Variants in RDH10 observed in about 807,000 individuals in gnomAD.
RDH10 encodes the protein retinol dehydrogenase 10 (all-trans).
Under a neutral mutation model 30.2 loss-of-function variants are expected in RDH10, and 12 were observed. The ratio of observed to expected loss-of-function variants is 0.40; its 90% CI spans 0.25 to 0.64. RDH10 has a LOEUF of 0.64. Among genes scored for constraint, RDH10 ranks in the 30% least tolerant of loss-of-function variants. RDH10 has a pLI of 0.43. For missense variants in RDH10, 268 were observed against 445.2 expected (o/e 0.60, Z 3.58); for synonymous variants, 189 against 172.2 (o/e 1.10, Z -0.76).
intron 2 of RDH10, among the ~76,000 whole-genome samples, chr8:73,306,763 A>T (rs12545126): frequency 0.025 from 3,776 of 152,344 alleles, 84 homozygotes; most frequent in East Asian, 0.11. Flanking sequence ...TGTTTCTTAC[A>T]TGCTGCTTGC....
chr8:73,320,323 G>A (rs1288279184), intron 3 of RDH10, among the ~76,000 whole-genome samples: 1 of 152,038 alleles, frequency 6.6e-6, no homozygotes, highest in Admixed American at 6.5e-5. Context: ...ATCCTTTATG[G>A]TAACTTCCCC....
Position 73,294,947 on chromosome 8 carries a change from T to A in RDH10, c.-343T>A. The A allele has an allele frequency of 7.6e-6, 3 of 392,988 alleles. No homozygotes were observed. The highest frequency in any genetic ancestry group is 1.3e-5 in the Non-Finnish European group (3 of 222,404). The allele number at this position is 392,988 out of a possible 1,614,324, so 24.3% of individuals were successfully genotyped here. On this transcript the variant is annotated 5_prime_UTR_variant, in exon 1 of 6. Transcript: ENST00000240285. ...GCAGCAGCTTGGCCATGAGGGCAGTTCGAGTAGTCTAACTCGCGGCTGTCA... is the reference window on the plus strand; with the variant it reads ...GCAGCAGCTTGGCCATGAGGGCAGTACGAGTAGTCTAACTCGCGGCTGTCA...
In RDH10 at chr8:73,297,358, C is replaced by T; in HGVS notation, c.454C>T (p.His152Tyr). 6.2e-7 allele frequency: 1 copy of T among 1,614,152 alleles called. No individual in the cohort carries two copies. The highest frequency in any genetic ancestry group is 1.1e-5 in the South Asian group (1 of 91,074). ...LVNNAGVVSG[H>Y]HLLECPDELI... ...CAATAATGCTGGTGTGGTCTCTGGG[C>T]ATCACCTTCTGGAATGTCCTGATGA... is the stretch of plus-strand genomic sequence containing the variant. Residue 152 changes from histidine (H) to tyrosine (Y), a missense_variant, in exon 2 of 6, where the codon CAT becomes TAT. This residue lies in a region of RDH10 where 136 missense variants were observed against 288.8 expected (regional missense o/e 0.47). Transcript: ENST00000240285.
At chr8:73,321,675 C>G (rs187417198) in intron 4 of RDH10, 4 of 390,686 alleles carry the variant, frequency 1.0e-5, no homozygotes, top group African/African-American at 8.3e-5. Context: ...TTACATCTGA[C>G]TTGAGCTCAG....
intron 4 of RDH10, chr8:73,321,863 T>G (rs1350505735): frequency 2.2e-6 from 1 of 456,144 alleles, no homozygotes; most frequent in East Asian, 6.9e-5. Flanking sequence ...GGAAGGTGAT[T>G]TGAATCACTC....
intron 2 of RDH10, chr8:73,313,108 T>G (rs1259702771): frequency 6.6e-6 from 1 of 152,260 alleles, no homozygotes; most frequent in Non-Finnish European, 1.5e-5. Context: ...ACCACATTTC[T>G]TCACATTGAC....
In RDH10 at chr8:73,324,680, G is replaced by T. The variant is rs546887544; in HGVS notation, c.*1644G>T. On this transcript the variant is annotated 3_prime_UTR_variant, in exon 6 of 6. Coordinates refer to ENST00000240285, the MANE Select transcript of RDH10 (RefSeq NM_172037.5). ...AAATATTGGAATGGAATAGTGTTGG[G>T]AAACAGACATTAACAACCTAGGGTG... 1.3e-5 allele frequency: 2 copies of T among 152,250 alleles called. No individual in the cohort carries two copies. Among genetic ancestry groups the T allele is most frequent in the East Asian group, 3.9e-4 (2 of 5,188 alleles). The allele number at this position is 152,250 out of a possible 1,614,324, so 9.4% of individuals were successfully genotyped here.
chr8:73,321,593 T>C, intron 4 of RDH10: 1 of 352,680 alleles, frequency 2.8e-6, no homozygotes, highest in South Asian at 2.2e-5. Context: ...AAGAACCATT[T>C]AGATATACTG....
At chr8:73,311,896 T>C (rs1269814066) in intron 2 of RDH10, 1 of 152,270 alleles carries the variant, frequency 6.6e-6, no homozygotes, top group African/African-American at 2.4e-5. Flanking sequence ...ATATGCATGT[T>C]AGAATTTCTG....
In RDH10 at chr8:73,295,358, G is replaced by T; in HGVS notation, c.69G>T (p.Ala23=). Residue 23 remains alanine (A), a synonymous_variant, in exon 1 of 6, where the codon GCG becomes GCT. Coordinates refer to ENST00000240285, the MANE Select transcript of RDH10 (RefSeq NM_172037.5). ...KVLWAFVLAA[A]RWLVRPKEKS... is the part of the protein sequence containing the mutation. ...TCTGGGCGTTCGTGCTGGCCGCGGC[G>T]CGCTGGCTGGTGCGGCCCAAGGAGA... 1 of 1,560,046 alleles carries T rather than the reference G, an allele frequency of 6.4e-7. No homozygotes were observed. Among genetic ancestry groups the T allele is most frequent in the South Asian group, 1.2e-5 (1 of 84,960 alleles).
chr8:73,318,220 ATTTT>A (rs201804539), intron 2 of RDH10, among the ~76,000 whole-genome samples: 3 of 147,628 alleles, frequency 2.0e-5, no homozygotes, highest in African/African-American at 7.4e-5. Flanking sequence ...ATTTGAAGTA[ATTTT>A]TTTTTTTTTG....
At chr8:73,322,417 G>T in intron 4 of RDH10, 2 of 399,104 alleles carry the variant, frequency 5.0e-6, no homozygotes, top group South Asian at 3.4e-5. Flanking sequence ...TACTTTTAAG[G>T]CATCTTAAAA....
At chr8:73,321,786 AACC>A in intron 4 of RDH10, 1 of 456,244 alleles carries the variant, frequency 2.2e-6, no homozygotes, top group Middle Eastern at 3.3e-4. Context: ...AAGATAACCA[AACC>A]AGTTCCCTGT....
intron 2 of RDH10, among the ~76,000 whole-genome samples, chr8:73,305,712 AG>A (rs1311773054): frequency 6.6e-6 from 1 of 152,188 alleles, no homozygotes; most frequent in Non-Finnish European, 1.5e-5. Context: ...AAGTTCCACT[AG>A]GGGGTGTACT....
intron 1 of RDH10, 189 bp downstream of exon 1, chr8:73,295,767 G>C: frequency 1.1e-6 from 1 of 942,250 alleles, no homozygotes; most frequent in Non-Finnish European, 1.5e-6. Context: ...TGTATTACCA[G>C]GGAGAAGGTG....
chr8:73,297,053 G>C (rs970663999), intron 1 of RDH10, 141 bp from the exon 2 acceptor site: 1 of 644,496 alleles, frequency 1.6e-6, no homozygotes, highest in Non-Finnish European at 2.8e-6. Context: ...TCGTTGGCAA[G>C]CCTTGCAGCG....
In RDH10 at chr8:73,301,042, CTTTTTTTTTTT is replaced by C. The variant is rs57107587; in HGVS notation, c.525+3629_525+3639del. 5.7e-5 allele frequency among the ~76,000 whole-genome samples: 5 copies of C among 87,238 alleles called. 1 individual carries two copies. Among genetic ancestry groups the C allele is most frequent in the South Asian group, 8.5e-4 (2 of 2,352 alleles). The allele number at this position is 87,238 out of a possible 152,430, so 57.2% of individuals were successfully genotyped here. ...CCTTTGCCTGGAACAAAACTCTATT[CTTTTTTTTTTT>C]TTTTTTTTTTTTTTTGAGACGGAGT... On this transcript the variant is annotated intron_variant, in intron 2 of 5. Coordinates refer to ENST00000240285, the MANE Select transcript of RDH10 (RefSeq NM_172037.5).
Position 73,295,220 on chromosome 8 carries a change from A to G in RDH10, c.-70A>G. The G allele has an allele frequency of 5.5e-4, 602 of 1,102,284 alleles. No homozygotes were observed. The highest frequency in any genetic ancestry group is 6.5e-4 in the Middle Eastern group (2 of 3,084). 68.3% of individuals were successfully genotyped at this position (1,102,284 alleles called of 1,614,324 possible). A position where few individuals can be genotyped will look rare whatever the true frequency, so the allele number is the denominator to read the frequency against. On this transcript the variant is annotated 5_prime_UTR_variant, in exon 1 of 6. Transcript: ENST00000240285. ...CTGTGACAAGCGCCCCGGAGCCGGGAGCCCGATTGCCGGGCTCGGGGTGGG... is the reference window on the plus strand; with the variant it reads ...CTGTGACAAGCGCCCCGGAGCCGGGGGCCCGATTGCCGGGCTCGGGGTGGG...
intron 2 of RDH10, among the ~76,000 whole-genome samples, chr8:73,318,647 C>T (rs1030356192): frequency 6.6e-6 from 1 of 152,242 alleles, no homozygotes; most frequent in Non-Finnish European, 1.5e-5. Flanking sequence ...TCTATTACTA[C>T]GTAGACATCG....
Sources: gnomAD v4.1 joint callset for allele counts (sites outside exome capture counted in the v4.1 genomes callset) on GRCh38, gnomAD v4.1.1 for gene constraint, gnomAD v4.1.1 regional missense constraint, MANE v1.5 for transcripts, NCBI Gene and HGNC (gene_info 2026-07-23, HGNC 2026-07-21) for gene names.